Variants in AVL9 observed in about 807,000 individuals in gnomAD.
AVL9 encodes AVL9 cell migration associated.
In AVL9, 49 loss-of-function variants were observed where a neutral mutation model predicts 79.2. That is an observed-to-expected ratio of 0.62 (90% CI 0.49 to 0.79). The LOEUF is 0.79. Ranked by LOEUF, AVL9 falls within the 30% of genes least tolerant of loss-of-function variation. The probability of loss-of-function intolerance (pLI) is 0.00; values close to 1 mark genes in which losing one functional copy is unlikely to be tolerated. For missense variants in AVL9, 682 were observed against 776.8 expected, an observed-to-expected ratio of 0.88 and a Z score of 1.45; for synonymous variants, 299 against 280.6, an observed-to-expected ratio of 1.07 and a Z score of -0.65.
chr7:32,575,594 A>G lies in AVL9; in HGVS notation c.1571-361A>G, dbSNP rs141437398. ...GCCTGTGCCATACATATCAATCAGT[A>G]TGTTTATTCACTGTCAAGCATACAG... On this transcript the variant is annotated intron_variant, in intron 12 of 15. Transcript: ENST00000318709. Among the ~76,000 whole-genome samples the G allele has an allele frequency of 2.3e-3, 350 of 152,124 alleles. 1 individual carries two copies. Among genetic ancestry groups the G allele is most frequent in the African/African-American group, 8.1e-3 (336 of 41,558 alleles).
Position 32,554,605 on chromosome 7 carries a change from C to G in AVL9, c.609+9C>G. The G allele has an allele frequency of 2.0e-6, 3 of 1,474,410 alleles. No homozygotes were observed. The South Asian group carries it at 4.0e-5, about 20-fold the overall frequency. 91.3% of individuals were successfully genotyped at this position (1,474,410 alleles called of 1,614,324 possible). A position where few individuals can be genotyped will look rare whatever the true frequency, so the allele number is the denominator to read the frequency against. On this transcript the variant is annotated intron_variant, in intron 8 of 15. Coordinates refer to ENST00000318709, the MANE Select transcript of AVL9 (RefSeq NM_015060.3). Reference sequence around the variant, plus strand: ...TTCTTCTTGAAAAAAAGGTACGATCCTAAGGGATGAAAGGAAAGATGGAGT... The same window carrying G: ...TTCTTCTTGAAAAAAAGGTACGATCGTAAGGGATGAAAGGAAAGATGGAGT...
At chr7:32,559,999 C>A (rs933034705) in intron 10 of AVL9, 1 of 152,094 alleles carries the variant, frequency 6.6e-6, no homozygotes, top group African/African-American at 2.4e-5. Flanking sequence ...CACAGTAGCT[C>A]ATGCCTATAA....
chr7:32,526,994 A>G (rs1056047366), intron 1 of AVL9, among the ~76,000 whole-genome samples: 2 of 152,130 alleles, frequency 1.3e-5, no homozygotes, highest in Admixed American at 6.5e-5. Context: ...ACCCCTTTTT[A>G]CTTGACTGTC....
intron 13 of AVL9, 65 bp downstream of exon 13, chr7:32,576,137 A>T (rs1270932820): frequency 1.8e-6 from 2 of 1,090,734 alleles, no homozygotes; most frequent in Non-Finnish European, 2.8e-6. Flanking sequence ...CAATACAGAG[A>T]AAAATCTATT....
chr7:32,512,076 T>C (rs993432785), intron 1 of AVL9, among the ~76,000 whole-genome samples: 2 of 152,192 alleles, frequency 1.3e-5, no homozygotes, highest in Non-Finnish European at 2.9e-5. Context: ...CTCCCTTTTA[T>C]TCTAGTGAGG....
intron 4 of AVL9, among the ~76,000 whole-genome samples, chr7:32,550,014 G>T (rs2128137540): frequency 6.6e-6 from 1 of 151,962 alleles, no homozygotes; most frequent in East Asian, 1.9e-4. Flanking sequence ...TCTGATTCCT[G>T]TACACACCTT....
intron 12 of AVL9, among the ~76,000 whole-genome samples, chr7:32,574,750 CCAAA>C (rs1256134332): frequency 1.8e-5 from 1 of 55,004 alleles, no homozygotes; most frequent in African/African-American, 7.1e-5. Context: ...GGATCTGATC[CCAAA>C]CAGTTTGGCT....
At chr7:32,508,359 T>G (rs571075938) in intron 1 of AVL9, among the ~76,000 whole-genome samples, 1 of 152,344 alleles carries the variant, frequency 6.6e-6, no homozygotes, top group East Asian at 1.9e-4. Context: ...CTAAGTGAGC[T>G]GCATACATAA....
intron 1 of AVL9, among the ~76,000 whole-genome samples, chr7:32,500,633 T>G (rs1420840419): frequency 6.6e-6 from 1 of 152,198 alleles, no homozygotes; most frequent in Admixed American, 6.5e-5. Flanking sequence ...TTTGTCAATT[T>G]TGTCTTTTGT....
chr7:32,522,717 G>A (rs1328679828), intron 1 of AVL9, among the ~76,000 whole-genome samples: 1 of 152,110 alleles, frequency 6.6e-6, no homozygotes, highest in African/African-American at 2.4e-5. Context: ...GAAATTTGGA[G>A]GGCGCAGGGG....
At chr7:32,520,711 C>T (rs1322521053) in intron 1 of AVL9, among the ~76,000 whole-genome samples, 4 of 152,140 alleles carry the variant, frequency 2.6e-5, no homozygotes, top group African/African-American at 9.7e-5. Context: ...GAGAGGGGCA[C>T]CTTTTACATG....
chr7:32,507,097 T>C (rs1428616427), intron 1 of AVL9, among the ~76,000 whole-genome samples: 1 of 152,158 alleles, frequency 6.6e-6, no homozygotes, highest in Non-Finnish European at 1.5e-5. Context: ...AGGGTAAAGC[T>C]ATATGGTCCT....
rs1189672866 is a variant in AVL9, at chr7:32,495,621, G to T, written c.-89G>T. On this transcript the variant is annotated 5_prime_UTR_variant, in exon 1 of 16. Coordinates refer to ENST00000318709, the MANE Select transcript of AVL9 (RefSeq NM_015060.3). ...TCATGTGCTGTGCTCGCTGACACCC[G>T]AAGTCCGCGGCTTTCCGCACACGGT... 4.6e-6 allele frequency: 4 copies of T among 876,792 alleles called. No individual in the cohort carries two copies. The highest frequency in any genetic ancestry group is 6.2e-6 in the Non-Finnish European group (4 of 649,614). The allele number at this position is 876,792 out of a possible 1,614,324, so 54.3% of individuals were successfully genotyped here. A position where few individuals can be genotyped will look rare whatever the true frequency, so the allele number is the denominator to read the frequency against.
chr7:32,521,477 C>G (rs10951339), intron 1 of AVL9, among the ~76,000 whole-genome samples: 144,230 of 152,214 alleles, frequency 0.95, 68,789 homozygotes, highest in East Asian at 1. Context: ...CTGCCCTAGA[C>G]ATTTGTGGAA....
At chr7:32,546,737 T>G (rs1484185443) in intron 3 of AVL9, among the ~76,000 whole-genome samples, 1 of 151,908 alleles carries the variant, frequency 6.6e-6, no homozygotes, top group Non-Finnish European at 1.5e-5. Flanking sequence ...GCAGGAGAAC[T>G]GCTTGAACCC....
At chr7:32,499,982 T>C (rs1787045497) in intron 1 of AVL9, among the ~76,000 whole-genome samples, 2 of 152,222 alleles carry the variant, frequency 1.3e-5, no homozygotes, top group Non-Finnish European at 2.9e-5. Context: ...ACATTTTCTT[T>C]ATCCAGTCTA....
chr7:32,504,052 G>C (rs138241265), intron 1 of AVL9, among the ~76,000 whole-genome samples: 22 of 152,276 alleles, frequency 1.4e-4, no homozygotes, highest in African/African-American at 5.1e-4. Flanking sequence ...AATGTGTTAG[G>C]CTCCCTTTGG....
At chr7:32,554,709 T>G in intron 8 of AVL9, 113 bp downstream of exon 8, 1 of 665,650 alleles carries the variant, frequency 1.5e-6, no homozygotes, top group Admixed American at 3.7e-5. Context: ...ACTTTTTGCC[T>G]ATCATTGTGG....
intron 1 of AVL9, among the ~76,000 whole-genome samples, chr7:32,542,385 CAAAA>C (rs567774011): frequency 3.3e-5 from 3 of 90,614 alleles, no homozygotes; most frequent in Admixed American, 2.6e-4. Flanking sequence ...AGTAAAAATA[CAAAA>C]AAAAAAAAAA....
Sources: allele counts gnomAD v4.1 joint callset (sites outside exome capture counted in the v4.1 genomes callset), GRCh38; gene constraint gnomAD v4.1.1; transcripts MANE v1.5; gene names NCBI Gene and HGNC (gene_info 2026-07-23, HGNC 2026-07-21).